PUDP: variants seen among roughly 807,000 people sequenced by gnomAD.
The protein encoded by PUDP is pseudouridine 5'-phosphatase.
PUDP carries 8 observed loss-of-function variants against 9.4 expected under a neutral mutation model. That is an observed-to-expected ratio of 0.85 (90% CI 0.50 to 1.53). The LOEUF (loss-of-function observed/expected upper bound fraction) is 1.53, where lower values mean the gene tolerates loss of function less well. Ranked by LOEUF, PUDP falls within the 40% of genes most tolerant of loss-of-function variation. The pLI is 0.00. For missense variants in PUDP, 188 were observed against 189.7 expected, an observed-to-expected ratio of 0.99 and a Z score of 0.05; for synonymous variants, 99 against 80.7, an observed-to-expected ratio of 1.23 and a Z score of -1.22.
At chrX:6,747,414 T>G (rs1178647273) in intron 3 of PUDP, among the ~76,000 whole-genome samples, 1 of 112,265 alleles carries the variant, frequency 8.9e-6, no homozygotes, top group Non-Finnish European at 1.9e-5. Flanking sequence ...ATTCTTTCAA[T>G]TTGGATAGAC....
chrX:6,945,721 AAC>A (rs1382687339), intron 3 of PUDP, among the ~76,000 whole-genome samples: 2 of 111,987 alleles, frequency 1.8e-5, no homozygotes, highest in African/African-American at 3.2e-5. Flanking sequence ...AAAAAAAAGA[AAC>A]ACAGAAAAAA....
downstream of PUDP, among the ~76,000 whole-genome samples, chrX:7,046,292 A>G (rs1929983068): frequency 9.0e-6 from 1 of 111,579 alleles, no homozygotes; most frequent in African/African-American, 3.3e-5. Flanking sequence ...AGAAGAGGAG[A>G]TGAGGACACA....
chrX:6,710,715 C>A (rs1924521573), intron 1 of PUDP, among the ~76,000 whole-genome samples: 1 of 112,299 alleles, frequency 8.9e-6, no homozygotes, highest in Admixed American at 9.5e-5. Flanking sequence ...AATAAAATCA[C>A]CTTCTGCTCA....
intron 3 of PUDP, among the ~76,000 whole-genome samples, chrX:6,782,135 G>T (rs151312591): frequency 9.0e-6 from 1 of 111,623 alleles, no homozygotes. Flanking sequence ...ATAACTCCTG[G>T]AAACACGGAT....
At chrX:6,977,033 C>T (rs1928965857) in intron 3 of PUDP, among the ~76,000 whole-genome samples, 1 of 112,333 alleles carries the variant, frequency 8.9e-6, no homozygotes, top group South Asian at 3.7e-4. Context: ...GATTTATATC[C>T]TAGGCAACAG....
chrX:6,789,015 C>A (rs1042469683), intron 3 of PUDP, among the ~76,000 whole-genome samples: 1 of 111,495 alleles, frequency 9.0e-6, no homozygotes, highest in East Asian at 2.8e-4. Context: ...AGAGACCGGG[C>A]GCGGTGGCTC....
At chrX:6,918,488 G>A (rs1338472411) in intron 3 of PUDP, among the ~76,000 whole-genome samples, 1 of 111,119 alleles carries the variant, frequency 9.0e-6, no homozygotes, top group Non-Finnish European at 1.9e-5. Context: ...ATACCATCAC[G>A]GCCTTCACAA....
chrX:6,860,596 C>T (rs976881575), intron 3 of PUDP, among the ~76,000 whole-genome samples: 5 of 110,840 alleles, frequency 4.5e-5, no homozygotes, highest in Non-Finnish European at 7.6e-5. Flanking sequence ...CTCAGCCTCC[C>T]GAGTAGGTGG....
intron 3 of PUDP, among the ~76,000 whole-genome samples, chrX:6,767,265 G>A (rs1483848083): frequency 8.9e-6 from 1 of 112,636 alleles, no homozygotes; most frequent in Non-Finnish European, 1.9e-5. Flanking sequence ...GCTAACAAAA[G>A]GAGAGTCAGT....
intron 1 of PUDP, among the ~76,000 whole-genome samples, chrX:7,019,607 C>T (rs1205582189): frequency 1.8e-5 from 2 of 111,692 alleles, no homozygotes; most frequent in Non-Finnish European, 3.8e-5. Context: ...GAGGTTTCAT[C>T]TATATGACAA....
intron 2 of PUDP, among the ~76,000 whole-genome samples, chrX:7,078,263 T>C (rs1304953976): frequency 2.7e-5 from 3 of 112,457 alleles, no homozygotes; most frequent in African/African-American, 9.7e-5. Context: ...CAGGAACATC[T>C]AAATCCACAC....
At chrX:6,775,526 CAT>C (rs1233153183) in intron 3 of PUDP, among the ~76,000 whole-genome samples, 4 of 110,519 alleles carry the variant, frequency 3.6e-5, no homozygotes, top group South Asian at 3.9e-4. Context: ...CACACACACA[CAT>C]ATATGTATAT....
chrX:6,990,921 T>C (rs139490170), intron 1 of PUDP, among the ~76,000 whole-genome samples: 15 of 112,353 alleles, frequency 1.3e-4, no homozygotes, highest in African/African-American at 4.8e-4. Flanking sequence ...TGGTTTCGGG[T>C]GACTCCAGAT....
chrX:6,827,671 G>A (rs904862105), intron 3 of PUDP, among the ~76,000 whole-genome samples: 4 of 111,760 alleles, frequency 3.6e-5, no homozygotes, highest in Non-Finnish European at 7.5e-5. Context: ...TGCTTTCCAA[G>A]CAAGGGATGG....
At chrX:6,918,295 A>G (rs763285635) in intron 3 of PUDP, among the ~76,000 whole-genome samples, 2 of 112,128 alleles carry the variant, frequency 1.8e-5, no homozygotes, top group Non-Finnish European at 3.8e-5. Context: ...AAAGGAAGTC[A>G]TTAAGCCTCG....
intron 3 of PUDP, among the ~76,000 whole-genome samples, chrX:6,818,969 G>A (rs377408051): frequency 9.0e-6 from 1 of 111,574 alleles, no homozygotes; most frequent in African/African-American, 3.3e-5. Context: ...AAGAACAAAC[G>A]GTATATAAAA....
chrX:6,961,519 A>G (rs1419359943), intron 3 of PUDP, among the ~76,000 whole-genome samples: 4 of 112,118 alleles, frequency 3.6e-5, no homozygotes, highest in African/African-American at 1.3e-4. Context: ...CAGGAGTGCT[A>G]AACAACTGTT....
intron 2 of PUDP, among the ~76,000 whole-genome samples, chrX:7,105,098 G>A (rs1454279755): frequency 3.6e-5 from 4 of 110,483 alleles, no homozygotes; most frequent in Admixed American, 9.7e-5. Flanking sequence ...TTTCCTTTCC[G>A]AAGAAAACTG....
intron 3 of PUDP, among the ~76,000 whole-genome samples, chrX:6,851,171 A>C (rs1488893579): frequency 8.9e-6 from 1 of 112,287 alleles, no homozygotes; most frequent in African/African-American, 3.2e-5. Context: ...TCCTTTCTTG[A>C]ATTCTGAAGC....
Sources: allele counts gnomAD v4.1 joint callset (sites outside exome capture counted in the v4.1 genomes callset), GRCh38; gene constraint gnomAD v4.1.1; transcripts MANE v1.5; gene names NCBI Gene and HGNC (gene_info 2026-07-23, HGNC 2026-07-21).